RUVBL2: variants seen among roughly 807,000 people sequenced by gnomAD.
RUVBL2 encodes RuvB like AAA ATPase 2.
A neutral mutation model predicts 57.9 loss-of-function variants in RUVBL2; 9 were observed. The observed-to-expected ratio is 0.16, with a 90% CI of 0.09 to 0.27. RUVBL2 has a LOEUF of 0.27. Among genes scored for constraint, RUVBL2 ranks in the 10% least tolerant of loss-of-function variants. The pLI is 1.00. For synonymous variants in RUVBL2, 278 were observed against 264.6 expected (o/e 1.05, Z -0.49); for missense variants, 456 against 669.6 (o/e 0.68, Z 3.52).
At chr19:48,995,460 C>A (rs1160806074) in intron 1 of RUVBL2, among the ~76,000 whole-genome samples, 1 of 151,200 alleles carries the variant, frequency 6.6e-6, no homozygotes, top group African/African-American at 2.4e-5. Flanking sequence ...AAGCTTGTGA[C>A]CATTGATGGC....
At chr19:49,013,786 C>T (rs1464103938) in intron 11 of RUVBL2, among the ~76,000 whole-genome samples, 10 of 152,158 alleles carry the variant, frequency 6.6e-5, no homozygotes, top group African/African-American at 2.2e-4. Flanking sequence ...TGATGGCGTG[C>T]GCCTGTAGAC....
chr19:48,993,883 C>T (rs745789687), upstream of RUVBL2: 14 of 1,613,938 alleles, frequency 8.7e-6, no homozygotes, highest in African/African-American at 6.7e-5. Flanking sequence ...TTTCCGTTTC[C>T]GCTAGGACTC....
In RUVBL2 at chr19:49,015,970, A is replaced by C; in HGVS notation, c.*128A>C. Reference sequence around the variant, plus strand: ...GGTTGCCCTGAGCCCACAGAAAGACACCTCCAGAGTGCGGATTGAGAAGCC... The same window carrying C: ...GGTTGCCCTGAGCCCACAGAAAGACCCCTCCAGAGTGCGGATTGAGAAGCC... On this transcript the variant is annotated 3_prime_UTR_variant, in exon 15 of 15. Coordinates refer to ENST00000595090, the MANE Select transcript of RUVBL2 (RefSeq NM_006666.3). 5 of 1,614,120 alleles carry C rather than the reference A, an allele frequency of 3.1e-6. No individual in the cohort carries two copies. The highest frequency in any genetic ancestry group is 3.4e-6 in the Non-Finnish European group (4 of 1,180,020).
rs1006028022 is a variant in RUVBL2 at position 49,011,999 on chromosome 19, C to T, written c.1001+689C>T. 4.6e-5 allele frequency among the ~76,000 whole-genome samples: 7 copies of T among 152,168 alleles called. No individual in the cohort carries two copies. Among genetic ancestry groups the T allele is most frequent in the Admixed American group, 2.6e-4 (4 of 15,284 alleles). ...TGCCCGCTGGCTGTCTTCTCCACCT[C>T]GCCACATTTTGGCCCGCAGGAAGCA... On this transcript the variant is annotated intron_variant, in intron 11 of 14. Transcript: ENST00000595090. This position sits in a 1 kb window ranked among gnomAD's most constrained non-coding sequence, Gnocchi z 4.4.
chr19:49,009,545 A>G (rs1287726963), intron 6 of RUVBL2, among the ~76,000 whole-genome samples: 2 of 152,188 alleles, frequency 1.3e-5, no homozygotes, highest in Non-Finnish European at 2.9e-5. Flanking sequence ...TACACATTGC[A>G]AGTGTCCAGT....
At chr19:49,004,986 C>A (rs2122610483) in intron 4 of RUVBL2, among the ~76,000 whole-genome samples, 1 of 149,690 alleles carries the variant, frequency 6.7e-6, no homozygotes, top group Non-Finnish European at 1.5e-5. Context: ...AAAAAAAAAA[C>A]AGGAAAGAAA....
Position 49,000,686 on chromosome 19 carries a change from G to A in RUVBL2, c.67+1313G>A, listed in dbSNP as rs140107513. On this transcript the variant is annotated intron_variant, in intron 2 of 14. Transcript: ENST00000595090. The stretch of plus-strand genomic sequence containing the variant: ...TTGAGACCAGCTTGGCCAACATGGT[G>A]AAACCCTGTCTCTACTAAAAATACA... Among the ~76,000 whole-genome samples the A allele has an allele frequency of 6.2e-3, 941 of 152,210 alleles. 12 individuals carry two copies. The highest frequency in any genetic ancestry group is 0.017 in the African/African-American group (703 of 41,526).
rs116689253 is a variant in RUVBL2 at position 49,002,482 on chromosome 19, C to G, written c.68-797C>G. Among the ~76,000 whole-genome samples, 512 of 152,286 alleles carry G rather than the reference C, an allele frequency of 3.4e-3. 2 individuals carry two copies. The highest frequency in any genetic ancestry group is 0.011 in the African/African-American group (475 of 41,560). On this transcript the variant is annotated intron_variant, in intron 2 of 14. Transcript: ENST00000595090. ...TGTGTGGCTGGGGCATGGGACCTAA[C>G]CTCTCTGAGCTCCCTCCCCATTCAT...
intron 1 of RUVBL2, chr19:48,994,949 C>G (rs1156577330): frequency 6.6e-6 from 1 of 151,882 alleles, no homozygotes; most frequent in East Asian, 1.9e-4. Flanking sequence ...GTGACCTGAA[C>G]TTAGGGACTG....
Position 49,007,359 on chromosome 19 carries a change from A to G in RUVBL2, c.453A>G (p.Ala151=). The G allele has an allele frequency of 1.2e-6, 2 of 1,614,016 alleles. No individual in the cohort carries two copies. Among genetic ancestry groups the G allele is most frequent in the Non-Finnish European group, 1.7e-6 (2 of 1,179,988 alleles). ...TGGAGATCCAGATTGATCGACCAGC[A>G]ACAGGGACGGTGAGTCTGTGTGAGT... ...EVVEIQIDRP[A]TGTGSKVGKL... The change falls in exon 6 of 15, where the codon GCA becomes GCG. Residue 151 remains alanine, a synonymous_variant. Transcript: ENST00000595090.
At chr19:49,000,461 AG>A (rs2039156772) in intron 2 of RUVBL2, among the ~76,000 whole-genome samples, 1 of 152,138 alleles carries the variant, frequency 6.6e-6, no homozygotes, top group Admixed American at 6.5e-5. Context: ...AGGCTGAGGC[AG>A]GAAAATTGCT....
chr19:49,014,530 C>T lies in RUVBL2; in HGVS notation c.1048C>T (p.Leu350=), dbSNP rs755438564. 1.2e-6 allele frequency: 2 copies of T among 1,614,180 alleles called. No homozygotes were observed. Among genetic ancestry groups the T allele is most frequent in the Non-Finnish European group, 1.7e-6 (2 of 1,180,020 alleles). The change falls in exon 12 of 15, where the codon CTG becomes TTG. Residue 350 remains leucine, a synonymous_variant. Coordinates refer to ENST00000595090, the MANE Select transcript of RUVBL2 (RefSeq NM_006666.3). ...YQSPHGIPID[L]LDRLLIVSTT... is the part of the protein sequence containing the mutation. Reference sequence around the variant, plus strand: ...GAGCCCTCACGGCATCCCCATAGACCTGCTGGACCGGCTGCTTATCGTCTC... The same window carrying T: ...GAGCCCTCACGGCATCCCCATAGACTTGCTGGACCGGCTGCTTATCGTCTC...
At chr19:49,006,654 G>T (rs1397040960) in intron 4 of RUVBL2, among the ~76,000 whole-genome samples, 2 of 152,378 alleles carry the variant, frequency 1.3e-5, no homozygotes, top group East Asian at 3.9e-4. Context: ...TATCGTGTGG[G>T]CTCCTTGGCC....
chr19:48,994,991 A>T (rs2039027020), intron 1 of RUVBL2: 1 of 151,226 alleles, frequency 6.6e-6, no homozygotes, highest in South Asian at 2.1e-4. Context: ...AATTTCCATG[A>T]TGAGCCCAGT....
intron 8 of RUVBL2, 21 bp from the exon 9 acceptor site, chr19:49,010,465 CTT>C: frequency 7.2e-7 from 1 of 1,388,420 alleles, no homozygotes; most frequent in Non-Finnish European, 1.0e-6. Context: ...CTCCGCCGTT[CTT>C]CCCCCACCCC....
At chr19:49,003,420 T>C (rs1288634670) in intron 3 of RUVBL2, 86 bp downstream of exon 3, 3 of 1,228,506 alleles carry the variant, frequency 2.4e-6, no homozygotes, top group Non-Finnish European at 3.5e-6. Context: ...GTGTGGGGAC[T>C]ATGTTACGGT....
intron 6 of RUVBL2, among the ~76,000 whole-genome samples, chr19:49,009,254 C>T (rs925867471): frequency 7.5e-5 from 11 of 146,760 alleles, no homozygotes; most frequent in Non-Finnish European, 1.0e-4. Flanking sequence ...TTTGGGAGGC[C>T]GAGGTGGGCA....
intron 1 of RUVBL2, among the ~76,000 whole-genome samples, chr19:48,997,925 C>A (rs12610125): frequency 0.049 from 7,444 of 152,182 alleles, 216 homozygotes; most frequent in East Asian, 0.1. Context: ...ACATGGGAAG[C>A]CTCGGTATAT....
intron 13 of RUVBL2, 41 bp from the exon 14 acceptor site, chr19:49,015,531 A>T (rs754381580): frequency 1.4e-6 from 2 of 1,462,396 alleles, no homozygotes; most frequent in South Asian, 2.3e-5. Flanking sequence ...CTTGAGCCTC[A>T]CGGAGAGGGG....
Sources: gnomAD v4.1 joint callset for allele counts (sites outside exome capture counted in the v4.1 genomes callset) on GRCh38, gnomAD v4.1.1 for gene constraint, Gnocchi (gnomAD v3.1) non-coding constraint, MANE v1.5 for transcripts, NCBI Gene and HGNC (gene_info 2026-07-23, HGNC 2026-07-21) for gene names.